The following LYZL2 variants were observed in gnomAD, a reference collection of about 807,000 sequenced individuals.
The protein encoded by LYZL2 is lysozyme like 2.
In LYZL2, 13 loss-of-function variants were observed where a neutral mutation model predicts 17.1. The observed-to-expected ratio is 0.76, with a 90% CI of 0.49 to 1.21. The LOEUF is 1.21. Ranked by LOEUF, LYZL2 falls within the 50% of genes most tolerant of loss-of-function variation. The pLI, the probability that LYZL2 is intolerant of heterozygous loss-of-function variation, is 0.00. For missense variants in LYZL2, 166 were observed against 189.2 expected (o/e 0.88, Z 0.72); for synonymous variants, 63 against 74.4 (o/e 0.85, Z 0.79).
downstream of LYZL2, among the ~76,000 whole-genome samples, chr10:30,610,742 A>G (rs1838421508): frequency 7.2e-6 from 1 of 138,258 alleles, no homozygotes; most frequent in Non-Finnish European, 1.6e-5. Flanking sequence ...TGGAAGTCTT[A>G]TTTATTTATT....
At chr10:30,611,476 G>C (rs1838432570), downstream of LYZL2, among the ~76,000 whole-genome samples, 1 of 146,496 alleles carries the variant, frequency 6.8e-6, no homozygotes, top group Non-Finnish European at 1.5e-5. Flanking sequence ...TCCAGCCTGG[G>C]GGACAGAGCA....
chr10:30,620,394 A>T (rs1194635108), intron 3 of LYZL2, among the ~76,000 whole-genome samples: 1 of 152,224 alleles, frequency 6.6e-6, no homozygotes, highest in Non-Finnish European at 1.5e-5. Context: ...TCCAATCTTC[A>T]CGAGCAGCCT....
chr10:30,610,553 G>C (rs995139945), downstream of LYZL2, among the ~76,000 whole-genome samples: 3 of 152,074 alleles, frequency 2.0e-5, no homozygotes, highest in Admixed American at 6.5e-5. Context: ...AGGGGGTTGG[G>C]GGAAAGGAGA....
chr10:30,614,554 G>A (rs1838498530), intron 3 of LYZL2, among the ~76,000 whole-genome samples: 1 of 152,320 alleles, frequency 6.6e-6, no homozygotes, highest in East Asian at 1.9e-4. Flanking sequence ...GGATCTGGGA[G>A]GCCCATCTCC....
chr10:30,611,880 A>G lies in LYZL2; in HGVS notation c.*75T>C, dbSNP rs367730727. 1.6e-4 allele frequency: 260 copies of G among 1,610,332 alleles called. 6 individuals carry two copies. In the East Asian group the frequency reaches 2.6e-3, roughly 16 times the overall value. ...AGGAATATTGGGAGGAAACGGGACA[A>G]GATGACACAGGCATTTGGACATTCA... On this transcript the variant is annotated 3_prime_UTR_variant, in exon 5 of 5. Transcript: ENST00000647634.
chr10:30,615,205 T>C (rs1838508471), intron 3 of LYZL2, among the ~76,000 whole-genome samples: 1 of 152,076 alleles, frequency 6.6e-6, no homozygotes, highest in Admixed American at 6.5e-5. Context: ...TATTCAGTCA[T>C]GGAAAAGAAG....
At chr10:30,609,665 C>T (rs1418691625), downstream of LYZL2, among the ~76,000 whole-genome samples, 1 of 152,142 alleles carries the variant, frequency 6.6e-6, no homozygotes, top group Non-Finnish European at 1.5e-5. Flanking sequence ...TACCTGGTAA[C>T]CAACAGATAA....
At chr10:30,621,280 A>G (rs1227763970) in intron 3 of LYZL2, among the ~76,000 whole-genome samples, 1 of 152,174 alleles carries the variant, frequency 6.6e-6, no homozygotes, top group Non-Finnish European at 1.5e-5. Context: ...AAGCAACCGA[A>G]TATCTTTAAA....
At chr10:30,625,206 G>A (rs1212861562) in intron 3 of LYZL2, among the ~76,000 whole-genome samples, 2 of 152,188 alleles carry the variant, frequency 1.3e-5, no homozygotes, top group African/African-American at 4.8e-5. Flanking sequence ...AAATTTTGCG[G>A]TGTTTAAGCC....
At chr10:30,608,035 C>T (rs555511801), downstream of LYZL2, among the ~76,000 whole-genome samples, 46 of 152,274 alleles carry the variant, frequency 3.0e-4, no homozygotes, top group Admixed American at 1.5e-3. Flanking sequence ...CTCAGCCTCC[C>T]AAGCTGAAGT....
At position 30,626,940 on chromosome 10, in the gene LYZL2, C is replaced by A. The variant is rs143093449; in HGVS notation, c.-25G>T. 1.6e-5 allele frequency: 26 copies of A among 1,612,526 alleles called. No individual in the cohort carries two copies. In the African/African-American group the frequency reaches 2.8e-4, roughly 17 times the overall value. On this transcript the variant is annotated splice_region_variant and 5_prime_UTR_variant, in exon 2 of 5. Coordinates refer to ENST00000647634, the MANE Select transcript of LYZL2 (RefSeq NM_183058.3). ...TCCTCAAAGCCTGCCGGAGACAGAA[C>A]CTGCCAAAGAGCCGGAGAACAGGTC...
Position 30,629,651 on chromosome 10 carries a change from A to G in LYZL2, c.-84T>C, listed in dbSNP as rs7089672. On this transcript the variant is annotated 5_prime_UTR_variant, in exon 1 of 5. Transcript: ENST00000647634. ...GCTGACTTCTCAGTTGAGTCTGCGG[A>G]AGAAACACTGCTCCACTTAGTCGGT... The G allele has an allele frequency of 4.8e-3, 7,808 of 1,614,012 alleles. 104 individuals are homozygous for G. In the African/African-American group the frequency reaches 0.09, roughly 19 times the overall value.
chr10:30,608,633 C>T (rs546009902), downstream of LYZL2, among the ~76,000 whole-genome samples: 18 of 152,190 alleles, frequency 1.2e-4, no homozygotes, highest in East Asian at 2.9e-3. Context: ...GGCCCCTGGG[C>T]GATAGTTACC....
At chr10:30,618,680 A>T (rs77857879) in intron 3 of LYZL2, among the ~76,000 whole-genome samples, 21,793 of 152,214 alleles carry the variant, frequency 0.14, 1,691 homozygotes, top group East Asian at 0.24. Flanking sequence ...TTAATTCAAG[A>T]TGGACTAAAG....
intron 3 of LYZL2, among the ~76,000 whole-genome samples, chr10:30,615,095 C>T (rs1838506406): frequency 6.6e-6 from 1 of 152,080 alleles, no homozygotes; most frequent in South Asian, 2.1e-4. Flanking sequence ...TTGGCTAATG[C>T]CAATATGGCA....
downstream of LYZL2, among the ~76,000 whole-genome samples, chr10:30,611,592 AAAGAAAG>A (rs1357816467): frequency 7.3e-5 from 9 of 123,090 alleles, no homozygotes; most frequent in African/African-American, 2.7e-4. Flanking sequence ...AGAAAGAAAG[AAAGAAAG>A]AAAGAAAGAA....
intron 3 of LYZL2, among the ~76,000 whole-genome samples, chr10:30,613,903 G>C (rs1457962839): frequency 1.3e-5 from 2 of 152,044 alleles, no homozygotes; most frequent in Non-Finnish European, 2.9e-5. Context: ...TATTTTTGTA[G>C]AGACAGGGTT....
At position 30,626,185 on chromosome 10, in the gene LYZL2, C is replaced by T; in HGVS notation, c.218G>A (p.Gly73Asp). The change falls in exon 3 of 5, where the codon GGC becomes GAC. Residue 73 changes from glycine to aspartate, a missense_variant. By Grantham distance (94) the Gly-to-Asp change is moderately conservative. Around this residue, in one of 2 missense-constraint regions of LYZL2, gnomAD observed 134 missense variants for 129.4 expected, o/e 1.04. Transcript: ENST00000647634. ...TVLDDGSIDY[G>D]IFQINSFAWC... Reference sequence around the variant, plus strand: ...CGCGAAGCTGTTGATCTGGAAGATGCCGTAGTCGATGCTGCCGTCATCCAG... The same window carrying T: ...CGCGAAGCTGTTGATCTGGAAGATGTCGTAGTCGATGCTGCCGTCATCCAG... 2 of 1,614,180 alleles carry T rather than the reference C, an allele frequency of 1.2e-6. No homozygotes were observed. The highest frequency in any genetic ancestry group is 1.7e-5 in the Admixed American group (1 of 60,034).
chr10:30,623,652 T>C (rs1185188826), intron 3 of LYZL2, among the ~76,000 whole-genome samples: 1 of 152,198 alleles, frequency 6.6e-6, no homozygotes, highest in African/African-American at 2.4e-5. Flanking sequence ...TGATGATCCG[T>C]CACTGTCTCC....
Sources: gnomAD v4.1 joint callset for allele counts (sites outside exome capture counted in the v4.1 genomes callset) on GRCh38, gnomAD v4.1.1 for gene constraint, gnomAD v4.1.1 regional missense constraint, MANE v1.5 for transcripts, NCBI Gene and HGNC (gene_info 2026-07-23, HGNC 2026-07-21) for gene names.